Variants in ZBTB44 observed in about 807,000 individuals in gnomAD.
ZBTB44 encodes the protein zinc finger and BTB domain-containing protein 44.
A neutral mutation model predicts 54.0 loss-of-function variants in ZBTB44; 15 were observed. That is an observed-to-expected ratio of 0.28 (90% CI 0.19 to 0.43). ZBTB44 has a LOEUF of 0.43. Among genes scored for constraint, ZBTB44 ranks in the 20% least tolerant of loss-of-function variants. The probability of loss-of-function intolerance (pLI) is 1.00; values close to 1 mark genes in which losing one functional copy is unlikely to be tolerated. For missense variants in ZBTB44, 487 were observed against 707.1 expected (o/e 0.69, Z 3.53); for synonymous variants, 230 against 250.1 (o/e 0.92, Z 0.76).
At chr11:130,292,898 T>C (rs1485704034) in intron 1 of ZBTB44, among the ~76,000 whole-genome samples, 1 of 152,222 alleles carries the variant, frequency 6.6e-6, no homozygotes, top group Non-Finnish European at 1.5e-5. Context: ...GACTCTTTTT[T>C]ACTTTACAAA....
intron 3 of ZBTB44, 125 bp from the exon 4 acceptor site, chr11:130,238,732 TTAGAC>T: frequency 5.0e-6 from 5 of 1,005,858 alleles, no homozygotes; most frequent in Non-Finnish European, 6.8e-6. Flanking sequence ...AGTTTAACTG[TTAGAC>T]TTCAAGTTTT....
At chr11:130,258,067 T>C (rs1253147145) in intron 2 of ZBTB44, among the ~76,000 whole-genome samples, 1 of 152,194 alleles carries the variant, frequency 6.6e-6, no homozygotes, top group Admixed American at 6.6e-5. Flanking sequence ...CGGCACTAAC[T>C]ACATTTAATA....
Position 130,231,554 on chromosome 11 carries a change from T to A in ZBTB44, c.*210A>T, listed in dbSNP as rs564700435. 17 of 152,276 alleles carry A rather than the reference T, an allele frequency of 1.1e-4. No individual in the cohort carries two copies. Among genetic ancestry groups the A allele is most frequent in the African/African-American group, 4.1e-4 (17 of 41,568 alleles). The allele number at this position is 152,276 out of a possible 1,614,324, so 9.4% of individuals were successfully genotyped here. ...CAGAATATCTTGGAGCTACCAACAT[T>A]GTGCTTGGCTCTTAATGCGAAGTTT... On this transcript the variant is annotated 3_prime_UTR_variant, in exon 8 of 8. Transcript: ENST00000357899.
intron 1 of ZBTB44, among the ~76,000 whole-genome samples, chr11:130,265,821 A>G (rs956845321): frequency 6.6e-6 from 1 of 152,238 alleles, no homozygotes; most frequent in African/African-American, 2.4e-5. Flanking sequence ...CTGCAGAAGA[A>G]AAGTTGGAAG....
intron 1 of ZBTB44, among the ~76,000 whole-genome samples, chr11:130,289,054 A>AAAG (rs1415593726): frequency 3.3e-5 from 5 of 152,192 alleles, no homozygotes; most frequent in Non-Finnish European, 5.9e-5. Flanking sequence ...GCATAGCAAA[A>AAAG]AGTAGTAAAA....
At chr11:130,304,305 C>CT (rs765548979) in intron 1 of ZBTB44, among the ~76,000 whole-genome samples, 8 of 152,084 alleles carry the variant, frequency 5.3e-5, no homozygotes, top group Non-Finnish European at 1.2e-4. Flanking sequence ...CCCCATAACG[C>CT]TTATATAGAG....
intron 2 of ZBTB44, among the ~76,000 whole-genome samples, chr11:130,240,167 G>A (rs866392915): frequency 4.7e-5 from 7 of 150,416 alleles, no homozygotes; most frequent in East Asian, 2.0e-4. Flanking sequence ...TCAGCCTCCC[G>A]AGTAGCTGGG....
chr11:130,276,530 G>A (rs1282325888), intron 1 of ZBTB44, among the ~76,000 whole-genome samples: 2 of 151,792 alleles, frequency 1.3e-5, no homozygotes, highest in Non-Finnish European at 2.9e-5. Context: ...CACCTCCTGG[G>A]TTCAAGTGAT....
chr11:130,233,678 A>T (rs1299800931), intron 6 of ZBTB44: 19 of 1,253,160 alleles, frequency 1.5e-5, no homozygotes, highest in Non-Finnish European at 1.8e-5. Flanking sequence ...TTTCCTCTCT[A>T]GCTAATGATC....
chr11:130,306,301 G>A lies in ZBTB44; in HGVS notation c.-57+8074C>T, dbSNP rs1360053503. Among the ~76,000 whole-genome samples the A allele has an allele frequency of 2.6e-5, 4 of 152,136 alleles. No individual in the cohort carries two copies. In the East Asian group the frequency reaches 5.8e-4, roughly 22 times the overall value. ...GCGGATCACCTGAGGTCGGGAGTTCGAGACCAGCCTGACCAACATGGAGAA... is the reference window on the plus strand; with the variant it reads ...GCGGATCACCTGAGGTCGGGAGTTCAAGACCAGCCTGACCAACATGGAGAA... On this transcript the variant is annotated intron_variant, in intron 1 of 7. Transcript: ENST00000357899.
At chr11:130,259,730 A>G (rs1938714223) in intron 2 of ZBTB44, among the ~76,000 whole-genome samples, 1 of 151,942 alleles carries the variant, frequency 6.6e-6, no homozygotes, top group Non-Finnish European at 1.5e-5. Context: ...ACATGTTCTT[A>G]CTAATAAGTG....
In ZBTB44 at chr11:130,264,285, C is replaced by T. The variant is rs1939090277; in HGVS notation, c.-56-2356G>A. Among the ~76,000 whole-genome samples, 4 of 152,166 alleles carry T rather than the reference C, an allele frequency of 2.6e-5. No homozygotes were observed. In the South Asian group the frequency reaches 8.3e-4, roughly 32 times the overall value. Reference sequence around the variant, plus strand: ...ACATTGCTATCAAAGACCTTTTCTTCCTGAAAGGGCCAGAAACCACAGCCA... The same window carrying T: ...ACATTGCTATCAAAGACCTTTTCTTTCTGAAAGGGCCAGAAACCACAGCCA... On this transcript the variant is annotated intron_variant, in intron 1 of 7. Transcript: ENST00000357899.
chr11:130,279,906 T>C (rs946915879), intron 1 of ZBTB44, among the ~76,000 whole-genome samples: 4 of 152,086 alleles, frequency 2.6e-5, no homozygotes, highest in Non-Finnish European at 5.9e-5. Context: ...GGTCTACTTC[T>C]CCCCACCACA....
intron 1 of ZBTB44, 77 bp from the exon 2 acceptor site, chr11:130,262,006 C>G: frequency 9.2e-7 from 1 of 1,082,780 alleles, no homozygotes; most frequent in Non-Finnish European, 1.3e-6. Context: ...TTCATGTGGC[C>G]ACTGTACTAA....
intron 1 of ZBTB44, among the ~76,000 whole-genome samples, chr11:130,310,917 T>A (rs941338028): frequency 3.3e-5 from 5 of 152,114 alleles, no homozygotes; most frequent in African/African-American, 1.2e-4. Context: ...AAGTATAGTT[T>A]TAAAACATTA....
rs2136231910 is a variant in ZBTB44 at position 130,227,391 on chromosome 11, G to C, written c.*4373C>G. On this transcript the variant is annotated 3_prime_UTR_variant, in exon 8 of 8. Coordinates refer to ENST00000357899, the MANE Select transcript of ZBTB44 (RefSeq NM_001301098.2). ...TAAGAGTTGTACTAATTCTAGGAAA[G>C]GGGTAGAAGACATAAAAACACCCAT... The C allele has an allele frequency of 6.6e-6, 1 of 152,234 alleles. No individual in the cohort carries two copies. Among genetic ancestry groups the C allele is most frequent in the East Asian group, 1.9e-4 (1 of 5,192 alleles). The allele number at this position is 152,234 out of a possible 1,614,324, so 9.4% of individuals were successfully genotyped here.
At chr11:130,278,567 T>C (rs753044648) in intron 1 of ZBTB44, among the ~76,000 whole-genome samples, 7 of 152,166 alleles carry the variant, frequency 4.6e-5, no homozygotes, top group Non-Finnish European at 8.8e-5. Context: ...CCATTACTCT[T>C]AAGTGTTTAA....
intron 2 of ZBTB44, among the ~76,000 whole-genome samples, chr11:130,253,688 A>G (rs924394957): frequency 3.3e-5 from 5 of 152,300 alleles, no homozygotes; most frequent in Middle Eastern, 3.4e-3. Context: ...CAAGCTACCA[A>G]TGACTTTCTT....
intron 2 of ZBTB44, 67 bp from the exon 3 acceptor site, chr11:130,239,963 G>T: frequency 8.9e-7 from 1 of 1,118,838 alleles, no homozygotes; most frequent in Non-Finnish European, 1.3e-6. Flanking sequence ...GTAACTGAAA[G>T]CTATATTATA....
Sources: gnomAD v4.1 joint callset for allele counts (sites outside exome capture counted in the v4.1 genomes callset) on GRCh38, gnomAD v4.1.1 for gene constraint, MANE v1.5 for transcripts, NCBI Gene and HGNC (gene_info 2026-07-23, HGNC 2026-07-21) for gene names.